Variants in NRXN1 observed in about 807,000 individuals in gnomAD.
NRXN1 encodes the protein neurexin 1, also known as neurexin-1.
In NRXN1, 39 loss-of-function variants were observed where a neutral mutation model predicts 150.9. That is an observed-to-expected ratio of 0.26 (90% confidence interval 0.20 to 0.34). The LOEUF (loss-of-function observed/expected upper bound fraction) is 0.34. NRXN1 is among the 10% of genes least tolerant of loss of function. NRXN1 has a pLI of 1.00. For missense variants in NRXN1, 1,815 were observed against 1,949.9 expected (o/e 0.93, Z 1.30); for synonymous variants, 924 against 757.0 (o/e 1.22, Z -3.62).
chr2:50,531,138 TGG>T, intron 11 of NRXN1, 87 bp downstream of exon 11: 1 of 1,048,408 alleles, frequency 9.5e-7, no homozygotes, highest in Non-Finnish European at 1.4e-6. Context: ...TAATTTTCCA[TGG>T]CAAACAGGCT....
intron 8 of NRXN1, among the ~76,000 whole-genome samples, chr2:50,568,450 A>G (rs1005828470): frequency 4.6e-5 from 7 of 152,198 alleles, no homozygotes; most frequent in Non-Finnish European, 8.8e-5. Context: ...AATAGGAAAA[A>G]GTCTAATAAT....
chr2:50,506,826 G>A, intron 12 of NRXN1: 1 of 532,844 alleles, frequency 1.9e-6, no homozygotes, highest in East Asian at 2.9e-5. Context: ...GTCATAGCAA[G>A]CAAGGAAAAT....
chr2:51,021,415 T>C (rs1669587336), intron 2 of NRXN1, among the ~76,000 whole-genome samples: 2 of 151,990 alleles, frequency 1.3e-5, no homozygotes, highest in South Asian at 4.1e-4. Context: ...CTGGTTTTCA[T>C]AATGTAGCTA....
chr2:50,155,004 T>C (rs937612373), intron 18 of NRXN1, among the ~76,000 whole-genome samples: 6 of 151,822 alleles, frequency 4.0e-5, no homozygotes, highest in Admixed American at 2.0e-4. Context: ...TTCAAAATTG[T>C]ATCTATAGTG....
chr2:49,928,170 A>C (rs953629455), intron 22 of NRXN1, among the ~76,000 whole-genome samples: 1 of 151,710 alleles, frequency 6.6e-6, no homozygotes, highest in Admixed American at 6.6e-5. Context: ...TCAGGAGGGG[A>C]CCATAAGGGA....
chr2:50,045,597 C>T (rs920831137), intron 21 of NRXN1, among the ~76,000 whole-genome samples: 2 of 152,082 alleles, frequency 1.3e-5, no homozygotes, highest in Admixed American at 1.3e-4. Flanking sequence ...GTAACACAAA[C>T]ATAGGTATGT....
chr2:50,966,082 A>T (rs1432483487), intron 2 of NRXN1, among the ~76,000 whole-genome samples: 1 of 151,680 alleles, frequency 6.6e-6, no homozygotes, highest in Non-Finnish European at 1.5e-5. Context: ...ATAAAAAATA[A>T]AGCTCACCTA....
intron 5 of NRXN1, among the ~76,000 whole-genome samples, chr2:50,652,427 A>T (rs926980062): frequency 4.6e-5 from 7 of 152,018 alleles, no homozygotes; most frequent in Non-Finnish European, 8.8e-5. Flanking sequence ...GCAAACACTA[A>T]TCTTTTTGTC....
intron 18 of NRXN1, among the ~76,000 whole-genome samples, chr2:50,221,479 C>G (rs114211726): frequency 0.02 from 3,107 of 151,966 alleles, 110 homozygotes; most frequent in African/African-American, 0.07. Flanking sequence ...TAGTAAAATT[C>G]AAGACTATAG....
intron 17 of NRXN1, among the ~76,000 whole-genome samples, chr2:50,433,988 T>C (rs2085199502): frequency 6.6e-6 from 1 of 151,366 alleles, no homozygotes; most frequent in Non-Finnish European, 1.5e-5. Flanking sequence ...GTTCTGACTT[T>C]CACATTAAAC....
chr2:50,173,123 C>T (rs563839801), intron 18 of NRXN1, among the ~76,000 whole-genome samples: 24 of 152,258 alleles, frequency 1.6e-4, no homozygotes, highest in African/African-American at 5.3e-4. Flanking sequence ...GGTAAGTAAT[C>T]GGAACTGTCA....
chr2:50,409,290 C>T (rs552027431), intron 17 of NRXN1, among the ~76,000 whole-genome samples: 1 of 152,298 alleles, frequency 6.6e-6, no homozygotes, highest in African/African-American at 2.4e-5. Context: ...AAGTCTTTAT[C>T]AGTTTCCTGG....
chr2:50,530,302 A>G (rs1391617986), intron 11 of NRXN1, among the ~76,000 whole-genome samples: 1 of 152,164 alleles, frequency 6.6e-6, no homozygotes, highest in Non-Finnish European at 1.5e-5. Flanking sequence ...AAGAAAACTG[A>G]TTTCCAATAC....
chr2:49,949,996 A>T (rs920450495), intron 21 of NRXN1, among the ~76,000 whole-genome samples: 1 of 151,854 alleles, frequency 6.6e-6, no homozygotes, highest in African/African-American at 2.4e-5. Flanking sequence ...CTTGAAAAAA[A>T]AAAATTTTAA....
chr2:50,694,513 A>T (rs1692538695), intron 5 of NRXN1, among the ~76,000 whole-genome samples: 1 of 152,164 alleles, frequency 6.6e-6, no homozygotes, highest in African/African-American at 2.4e-5. Flanking sequence ...TGTTAGTTGA[A>T]ATAATTATTT....
intron 18 of NRXN1, among the ~76,000 whole-genome samples, chr2:50,193,556 T>C (rs892874954): frequency 6.6e-6 from 1 of 152,184 alleles, no homozygotes; most frequent in African/African-American, 2.4e-5. Context: ...TTCTGCTCTC[T>C]CTCCTGTCAC....
intron 8 of NRXN1, among the ~76,000 whole-genome samples, chr2:50,602,631 C>A (rs1676464524): frequency 6.6e-6 from 1 of 152,030 alleles, no homozygotes; most frequent in Admixed American, 6.6e-5. Context: ...GCCCCCTTTG[C>A]TCCCTTCTTC....
intron 21 of NRXN1, among the ~76,000 whole-genome samples, chr2:49,985,119 AAT>A (rs1050955229): frequency 6.6e-5 from 10 of 152,188 alleles, no homozygotes; most frequent in African/African-American, 2.4e-4. Flanking sequence ...TCACCCATAA[AAT>A]GAGAGTAACA....
chr2:50,450,727 G>A (rs753973614), intron 17 of NRXN1, among the ~76,000 whole-genome samples: 31 of 152,114 alleles, frequency 2.0e-4, no homozygotes, highest in Non-Finnish European at 3.8e-4. Flanking sequence ...CTCCAACTGC[G>A]TTTTAGGCCA....
Sources: allele counts gnomAD v4.1 joint callset (sites outside exome capture counted in the v4.1 genomes callset), GRCh38; gene constraint gnomAD v4.1.1; transcripts MANE v1.5; gene names NCBI Gene and HGNC (gene_info 2026-07-23, HGNC 2026-07-21).